DHX9: variants seen among roughly 807,000 people sequenced by gnomAD.
DHX9 encodes the protein ATP-dependent RNA helicase A.
DHX9 carries 27 observed loss-of-function variants against 148.7 expected under a neutral mutation model. That is an observed-to-expected ratio of 0.18 (90% CI 0.13 to 0.25). The LOEUF (loss-of-function observed/expected upper bound fraction) is 0.25. Among genes scored for constraint, DHX9 ranks in the 10% least tolerant of loss-of-function variants. The probability of loss-of-function intolerance (pLI) is 1.00; values close to 1 mark genes in which losing one functional copy is unlikely to be tolerated. For synonymous variants in DHX9, 529 were observed against 516.6 expected (o/e 1.02, Z -0.33); for missense variants, 796 against 1,559.6 (o/e 0.51, Z 8.25).
intron 14 of DHX9, among the ~76,000 whole-genome samples, chr1:182,871,658 T>TA (rs1648557762): frequency 6.6e-6 from 1 of 152,348 alleles, no homozygotes; most frequent in Admixed American, 6.5e-5. Context: ...AATTAACTGA[T>TA]ATATTCATAC....
At position 182,858,930 on chromosome 1, in the gene DHX9, T is replaced by G. The variant is rs1212741173; in HGVS notation, c.1062+36T>G. 4 of 1,612,384 alleles carry G rather than the reference T, an allele frequency of 2.5e-6. No individual in the cohort carries two copies. In the Admixed American group the frequency reaches 5.0e-5, roughly 20 times the overall value. On this transcript the variant is annotated intron_variant, in intron 10 of 27. Transcript: ENST00000367549. ...TATTGTTTTTGAGATCAGAGTCTTG[T>G]GTTTTACTCTTGAGACTATATTTGA...
At chr1:182,845,529 C>T (rs1488576570) in intron 3 of DHX9, among the ~76,000 whole-genome samples, 3 of 152,060 alleles carry the variant, frequency 2.0e-5, no homozygotes, top group Non-Finnish European at 4.4e-5. Context: ...ACTTTTTCCA[C>T]ACACCCCAAG....
intron 3 of DHX9, among the ~76,000 whole-genome samples, chr1:182,846,483 C>T (rs1254766173): frequency 6.6e-6 from 1 of 152,214 alleles, no homozygotes; most frequent in Non-Finnish European, 1.5e-5. Flanking sequence ...ATCTGCCCGC[C>T]TTGGCCTCCC....
Position 182,882,815 on chromosome 1 carries a change from A to G in DHX9, c.2915-324A>G, listed in dbSNP as rs1226085629. On this transcript the variant is annotated intron_variant, in intron 24 of 27. Transcript: ENST00000367549. ...GGGAGGCAGAGCTTGCAGTGAGCAG[A>G]GATGGCGCCACTGCACTCCAGCCTG... 4.0e-5 allele frequency among the ~76,000 whole-genome samples: 6 copies of G among 151,172 alleles called. No individual in the cohort carries two copies. The Admixed American group carries it at 4.0e-4, about 10-fold the overall frequency.
At chr1:182,879,865 A>G (rs1187678153) in intron 21 of DHX9, among the ~76,000 whole-genome samples, 1 of 152,062 alleles carries the variant, frequency 6.6e-6, no homozygotes, top group East Asian at 1.9e-4. Context: ...AGCTGAGACT[A>G]CAGGCATACA....
intron 3 of DHX9, among the ~76,000 whole-genome samples, chr1:182,849,174 C>G (rs1480347631): frequency 2.0e-5 from 3 of 152,136 alleles, no homozygotes; most frequent in Non-Finnish European, 4.4e-5. Flanking sequence ...CCATAAATTG[C>G]ATTTGCCAAA....
rs201916581 is a variant in DHX9 at position 182,866,531 on chromosome 1, C to A, written c.1420C>A (p.Arg474=). 1.2e-6 allele frequency: 2 copies of A among 1,614,046 alleles called. No homozygotes were observed. Among genetic ancestry groups the A allele is most frequent in the Non-Finnish European group, 1.7e-6 (2 of 1,179,982 alleles). ...EPGKSCGYSV[R]FESILPRPHA... is the part of the protein sequence containing the mutation. Reference sequence around the variant, plus strand: ...TGGAAAAAGCTGTGGCTACAGCGTTCGATTTGAGTCTATACTTCCTCGTCC... The same window carrying A: ...TGGAAAAAGCTGTGGCTACAGCGTTAGATTTGAGTCTATACTTCCTCGTCC... Residue 474 remains arginine (R), a synonymous_variant, in exon 13 of 28, where the codon CGA becomes AGA. Transcript: ENST00000367549.
In DHX9 at chr1:182,881,246, T is replaced by C. The variant is rs1398289654; in HGVS notation, c.2625-18T>C. ...CATTGTGATCTAGTCTGGATTTAAC[T>C]GTCTTTGTGTATTTCAGCGTGGGAG... On this transcript the variant is annotated intron_variant, in intron 22 of 27. Transcript: ENST00000367549. The C allele has an allele frequency of 6.2e-7, 1 of 1,607,052 alleles. No individual in the cohort carries two copies.
rs1668088863 is a variant in DHX9 at position 182,849,279 on chromosome 1, C to CTGCAACACTTTCAATTTTCAA, written c.253-2954_253-2953insTGCAACACTTTCAATTTTCAA. Among the ~76,000 whole-genome samples the CTGCAACACTTTCAATTTTCAA allele has an allele frequency of 3.9e-5, 6 of 152,308 alleles. No homozygotes were observed. The South Asian group carries it at 1.2e-3, about 32-fold the overall frequency. ...ATATAGTGAAACTCCATGTTTCCGT[C>CTGCAACACTTTCAATTTTCAA]ATCTGGCTGCAACACTTTCAATTTT... On this transcript the variant is annotated intron_variant, in intron 3 of 27. Coordinates refer to ENST00000367549, the MANE Select transcript of DHX9 (RefSeq NM_001357.5).
At position 182,866,655 on chromosome 1, in the gene DHX9, CAGA is replaced by C. The variant is rs143975425; in HGVS notation, c.1474+72_1474+74del. ...TTGTGAAGAAAACTTGATAGCAGAACAGAATGACTGGAAAGAAATAATGAGCCA... is the reference window on the plus strand; with the variant it reads ...TTGTGAAGAAAACTTGATAGCAGAACATGACTGGAAAGAAATAATGAGCCA... On this transcript the variant is annotated intron_variant, in intron 13 of 27. Coordinates refer to ENST00000367549, the MANE Select transcript of DHX9 (RefSeq NM_001357.5). The C allele has an allele frequency of 1.2e-3, 1,787 of 1,491,970 alleles. 13 individuals are homozygous for C. In the African/African-American group the frequency reaches 0.018, roughly 15 times the overall value. 92.4% of individuals were successfully genotyped at this position (1,491,970 alleles called of 1,614,324 possible).
chr1:182,867,525 C>T (rs980838818), intron 14 of DHX9, among the ~76,000 whole-genome samples: 4 of 152,190 alleles, frequency 2.6e-5, no homozygotes, highest in African/African-American at 9.7e-5. Flanking sequence ...GCCTCAGCCT[C>T]CTGAGTAGCT....
At chr1:182,880,409 C>A in intron 21 of DHX9, 88 bp from the exon 22 acceptor site, 2 of 795,384 alleles carry the variant, frequency 2.5e-6, no homozygotes, top group Non-Finnish European at 4.1e-6. Context: ...GAACTCTAAA[C>A]TGTCTTAACC....
In DHX9 at chr1:182,887,699, T is replaced by C; in HGVS notation, c.*265T>C. The C allele has an allele frequency of 2.6e-6, 1 of 384,102 alleles. No individual in the cohort carries two copies. Among genetic ancestry groups the C allele is most frequent in the Non-Finnish European group, 4.7e-6 (1 of 211,302 alleles). The allele number at this position is 384,102 out of a possible 1,614,324, so 23.8% of individuals were successfully genotyped here. A position where few individuals can be genotyped will look rare whatever the true frequency, so the allele number is the denominator to read the frequency against. ...AAAGATTTGCCTTTAAATAACTTGGTATTTTCCTGGCTTTCGTTTAATACA... is the reference window on the plus strand; with the variant it reads ...AAAGATTTGCCTTTAAATAACTTGGCATTTTCCTGGCTTTCGTTTAATACA... On this transcript the variant is annotated 3_prime_UTR_variant, in exon 28 of 28. Transcript: ENST00000367549.
intron 27 of DHX9, 115 bp downstream of exon 27, chr1:182,884,928 A>G: frequency 4.5e-6 from 4 of 887,232 alleles, no homozygotes; most frequent in Non-Finnish European, 7.1e-6. Context: ...TTCTAGATAT[A>G]GATAGAGCTA....
intron 24 of DHX9, 141 bp downstream of exon 24, chr1:182,881,788 A>G (rs1649096542): frequency 9.2e-6 from 8 of 868,470 alleles, no homozygotes; most frequent in Non-Finnish European, 1.4e-5. Context: ...GTTCTCGTGA[A>G]CACTGGTCTA....
At chr1:182,887,021 G>A in intron 27 of DHX9, 62 bp from the exon 28 acceptor site, 1 of 1,442,090 alleles carries the variant, frequency 6.9e-7, no homozygotes, top group Non-Finnish European at 9.7e-7. Context: ...GTGTACATTT[G>A]GTAAGTCGTT....
At chr1:182,853,283 G>T in intron 4 of DHX9, 23 bp from the exon 5 acceptor site, 1 of 1,539,754 alleles carries the variant, frequency 6.5e-7, no homozygotes, top group South Asian at 1.1e-5. Context: ...GACTCATTAA[G>T]AGAATTTTTT....
At chr1:182,851,404 A>G (rs1050484470) in intron 3 of DHX9, among the ~76,000 whole-genome samples, 1 of 152,222 alleles carries the variant, frequency 6.6e-6, no homozygotes, top group South Asian at 2.1e-4. Flanking sequence ...GGTCAGAGGA[A>G]CAATCATTTA....
chr1:182,865,025 T>A (rs1376153480), intron 12 of DHX9, among the ~76,000 whole-genome samples: 1 of 152,058 alleles, frequency 6.6e-6, no homozygotes, highest in South Asian at 2.1e-4. Context: ...GAGTCAAATA[T>A]CCTAATATTT....
Sources: gnomAD v4.1 joint callset for allele counts (sites outside exome capture counted in the v4.1 genomes callset) on GRCh38, gnomAD v4.1.1 for gene constraint, MANE v1.5 for transcripts, NCBI Gene and HGNC (gene_info 2026-07-23, HGNC 2026-07-21) for gene names.